Variants in CLCA4 observed in about 807,000 individuals in gnomAD.
The protein encoded by CLCA4 is calcium-activated chloride channel regulator 4.
In CLCA4, 69 loss-of-function variants were observed where a neutral mutation model predicts 78.9. The ratio of observed to expected loss-of-function variants is 0.87; its 90% CI spans 0.72 to 1.07. The LOEUF (loss-of-function observed/expected upper bound fraction) is 1.07. Ranked by LOEUF, CLCA4 falls within the 50% of genes least tolerant of loss-of-function variation. CLCA4 has a pLI of 0.00. For synonymous variants in CLCA4, 362 were observed against 375.8 expected, an observed-to-expected ratio of 0.96 and a Z score of 0.42; for missense variants, 1,133 against 1,095.8, an observed-to-expected ratio of 1.03 and a Z score of -0.48.
At chr1:86,558,593 G>A (rs11161842) in intron 1 of CLCA4, among the ~76,000 whole-genome samples, 6,056 of 152,182 alleles carry the variant, frequency 0.04, 393 homozygotes, top group African/African-American at 0.14. Flanking sequence ...AGCATGGCAG[G>A]GAGGCCTCAG....
intron 3 of CLCA4, among the ~76,000 whole-genome samples, chr1:86,563,145 T>G (rs1311007723): frequency 5.9e-5 from 9 of 151,918 alleles, no homozygotes; most frequent in African/African-American, 2.2e-4. Flanking sequence ...AAAAAATTTT[T>G]TATTTGAACT....
Position 86,574,685 on chromosome 1 carries a change from C to G in CLCA4, c.1613C>G (p.Thr538Arg). Reference protein sequence around the residue: ...PSISLWDPSGTIMENFTVDAT... With the variant: ...PSISLWDPSGRIMENFTVDAT... ...ATTTCTCTCTGGGATCCCAGTGGAA[C>G]AATAATGGAAAATTTCACAGTGGAT... The change falls in exon 10 of 14, where the codon ACA becomes AGA. Residue 538 changes from threonine to arginine, a missense_variant. Coordinates refer to ENST00000370563, the MANE Select transcript of CLCA4 (RefSeq NM_012128.4). 6.2e-7 allele frequency: 1 copy of G among 1,613,218 alleles called. No homozygotes were observed. Among genetic ancestry groups the G allele is most frequent in the African/African-American group, 1.3e-5 (1 of 74,942 alleles).
chr1:86,571,474 G>A (rs964321295), intron 8 of CLCA4: 1 of 411,474 alleles, frequency 2.4e-6, no homozygotes. Context: ...ATAACAGGAG[G>A]AATATAGAAA....
chr1:86,573,301 G>A (rs1167889257), intron 9 of CLCA4, among the ~76,000 whole-genome samples: 10 of 151,748 alleles, frequency 6.6e-5, no homozygotes, highest in African/African-American at 2.4e-4. Flanking sequence ...GCTCATCTGG[G>A]TCTTGATAGC....
At position 86,567,439 on chromosome 1, in the gene CLCA4, A is replaced by C; in HGVS notation, c.970A>C (p.Asn324His). 1.2e-6 allele frequency: 2 copies of C among 1,612,290 alleles called. No homozygotes were observed. The highest frequency in any genetic ancestry group is 1.7e-6 in the Non-Finnish European group (2 of 1,178,862). The part of the protein sequence containing the change: ...SGSMGGKDRL[N>H]RMNQAAKHFL... Reference sequence around the variant, plus strand: ...TTTAATCTAGGGTAAGGACCGCCTAAATCGAATGAATCAAGCAGCAAAACA... The same window carrying C: ...TTTAATCTAGGGTAAGGACCGCCTACATCGAATGAATCAAGCAGCAAAACA... Residue 324 changes from asparagine (N) to histidine (H), a missense_variant, in exon 7 of 14, where the codon AAT (asparagine) becomes CAT (histidine). Transcript: ENST00000370563.
chr1:86,568,835 C>T lies in CLCA4; in HGVS notation c.1182+1184C>T, dbSNP rs77921743. On this transcript the variant is annotated intron_variant, in intron 7 of 13. Transcript: ENST00000370563. ...ATGTAGCTTCCCATTTACTCCCAAC[C>T]CAATTGCATCTATCTCTTCCATGGA... 3.0e-3 allele frequency among the ~76,000 whole-genome samples: 461 copies of T among 152,084 alleles called. 2 individuals are homozygous for T. Among genetic ancestry groups the T allele is most frequent in the African/African-American group, 0.011 (446 of 41,558 alleles).
chr1:86,569,005 T>C (rs1650276419), intron 7 of CLCA4, among the ~76,000 whole-genome samples: 1 of 152,088 alleles, frequency 6.6e-6, no homozygotes, highest in Non-Finnish European at 1.5e-5. Flanking sequence ...TAATTAAAGC[T>C]AGCACATAGG....
At chr1:86,564,767 G>A (rs901388355) in intron 4 of CLCA4, among the ~76,000 whole-genome samples, 2 of 152,032 alleles carry the variant, frequency 1.3e-5, no homozygotes, top group Non-Finnish European at 2.9e-5. Flanking sequence ...GGGATTCTTG[G>A]CAGCACCTCA....
rs114740210 is a variant in CLCA4, at chr1:86,553,108, C to T, written c.159+5830C>T. 1.8e-3 allele frequency: 1,328 copies of T among 755,500 alleles called. 14 individuals carry two copies. The African/African-American group carries it at 0.02, about 11-fold the overall frequency. 46.8% of individuals were successfully genotyped at this position (755,500 alleles called of 1,614,324 possible). Reference sequence around the variant, plus strand: ...CCACCCTGCAGCCTGGGGTGTGCGCCGTATCCCATCCTGCGTCATCTCCTC... The same window carrying T: ...CCACCCTGCAGCCTGGGGTGTGCGCTGTATCCCATCCTGCGTCATCTCCTC... On this transcript the variant is annotated intron_variant, in intron 1 of 13. Transcript: ENST00000370563.
Position 86,574,579 on chromosome 1 carries a change from A to G in CLCA4, c.1507A>G (p.Met503Val). Residue 503 changes from methionine to valine, a missense_variant, in exon 10 of 14, where the codon ATG becomes GTG. Coordinates refer to ENST00000370563, the MANE Select transcript of CLCA4 (RefSeq NM_012128.4). ...KGLTLNSNAWMNDTVIIDSTV... is the reference protein window; with the variant it reads ...KGLTLNSNAWVNDTVIIDSTV... ...ATTAACACTGAATAGTAATGCCTGG[A>G]TGAACGACACTGTCATAATTGATAG... is the stretch of plus-strand genomic sequence containing the variant. The G allele has an allele frequency of 6.2e-7, 1 of 1,613,302 alleles. No individual in the cohort carries two copies. The highest frequency in any genetic ancestry group is 8.5e-7 in the Non-Finnish European group (1 of 1,179,472).
chr1:86,567,475 C>A lies in CLCA4; in HGVS notation c.1006C>A (p.Gln336Lys). The A allele has an allele frequency of 6.2e-7, 1 of 1,613,248 alleles. No individual in the cohort carries two copies. The highest frequency in any genetic ancestry group is 8.5e-7 in the Non-Finnish European group (1 of 1,179,400). Residue 336 changes from glutamine to lysine, a missense_variant, in exon 7 of 14, where the codon CAG (glutamine) becomes AAG (lysine). Gln to Lys is a moderately conservative substitution (Grantham distance 53). Transcript: ENST00000370563. ...TCAAGCAGCAAAACATTTCCTGCTG[C>A]AGACTGTTGAAAATGGATCCTGGGT... The part of the protein sequence containing the change: ...MNQAAKHFLL[Q>K]TVENGSWVGM...
rs1649526637 is a variant in CLCA4, at chr1:86,547,110, G to GAGAGGA, written c.-8_-3dup. 3 of 1,596,520 alleles carry GAGAGGA rather than the reference G, an allele frequency of 1.9e-6. No homozygotes were observed. Among genetic ancestry groups the GAGAGGA allele is most frequent in the Non-Finnish European group, 2.6e-6 (3 of 1,175,804 alleles). On this transcript the variant is annotated 5_prime_UTR_variant, in exon 1 of 14. Transcript: ENST00000370563. ...CCAACATTTGAGCCAGGAATAACTA[G>GAGAGGA]AGAGGAACAATGGGGTTATTCAGAG... is the stretch of plus-strand genomic sequence containing the variant.
chr1:86,567,240 C>G (rs556130180), intron 6 of CLCA4, among the ~76,000 whole-genome samples, 184 bp from the exon 7 acceptor site: 9 of 151,896 alleles, frequency 5.9e-5, no homozygotes, highest in Admixed American at 5.9e-4. Context: ...TATACGTGTC[C>G]CATAATACAC....
At chr1:86,556,749 C>A (rs995446459) in intron 1 of CLCA4, among the ~76,000 whole-genome samples, 1 of 152,140 alleles carries the variant, frequency 6.6e-6, no homozygotes, top group African/African-American at 2.4e-5. Flanking sequence ...GGAATAGTTT[C>A]AGTAGGAATG....
chr1:86,562,926 C>T (rs1274702053), intron 3 of CLCA4, among the ~76,000 whole-genome samples: 1 of 150,822 alleles, frequency 6.6e-6, no homozygotes, highest in Non-Finnish European at 1.5e-5. Flanking sequence ...GGTGTATTTT[C>T]CTCCCATTTT....
chr1:86,579,699 G>C lies in CLCA4; in HGVS notation c.2356+112G>C, dbSNP rs547254826. The C allele has an allele frequency of 4.9e-6, 4 of 808,736 alleles. No individual in the cohort carries two copies. In the South Asian group the frequency reaches 6.9e-5, roughly 14 times the overall value. The allele number at this position is 808,736 out of a possible 1,614,324, so 50.1% of individuals were successfully genotyped here. ...GGTTTTATATTGACAGCCTAGCAAAGTGTTAATTTTATAATCTGATATTTT... is the reference window on the plus strand; with the variant it reads ...GGTTTTATATTGACAGCCTAGCAAACTGTTAATTTTATAATCTGATATTTT... On this transcript the variant is annotated intron_variant, in intron 13 of 13. Coordinates refer to ENST00000370563, the MANE Select transcript of CLCA4 (RefSeq NM_012128.4).
intron 1 of CLCA4, among the ~76,000 whole-genome samples, chr1:86,554,485 G>A (rs187202457): frequency 0.014 from 2,143 of 152,158 alleles, 54 homozygotes; most frequent in African/African-American, 0.048. Flanking sequence ...GGCTGGTCTC[G>A]AACTCCTGAC....
At chr1:86,551,122 C>T (rs904083251) in intron 1 of CLCA4, among the ~76,000 whole-genome samples, 4 of 152,132 alleles carry the variant, frequency 2.6e-5, no homozygotes, top group Non-Finnish European at 4.4e-5. Flanking sequence ...TGAGCCACCG[C>T]ACCCAGCCTC....
chr1:86,559,175 A>T (rs1005297358), intron 1 of CLCA4, among the ~76,000 whole-genome samples: 3 of 151,706 alleles, frequency 2.0e-5, no homozygotes, highest in Non-Finnish European at 1.5e-5. Flanking sequence ...GGGAGGAACT[A>T]TTTTTCTTAT....
Sources: gnomAD v4.1 joint callset for allele counts (sites outside exome capture counted in the v4.1 genomes callset) on GRCh38, gnomAD v4.1.1 for gene constraint, MANE v1.5 for transcripts, NCBI Gene and HGNC (gene_info 2026-07-23, HGNC 2026-07-21) for gene names.